Variants in C6orf89 observed in about 807,000 individuals in gnomAD.
C6orf89 encodes the protein bombesin receptor-activated protein C6orf89.
A neutral mutation model predicts 40.7 loss-of-function variants in C6orf89; 29 were observed. The ratio of observed to expected loss-of-function variants is 0.71; its 90% confidence interval spans 0.53 to 0.97. The LOEUF (loss-of-function observed/expected upper bound fraction) is 0.97, where lower values mean the gene tolerates loss of function less well. C6orf89 is among the 50% of genes least tolerant of loss of function. The probability of loss-of-function intolerance (pLI) is 0.00; values close to 1 mark genes in which losing one functional copy is unlikely to be tolerated. For synonymous variants in C6orf89, 165 were observed against 152.2 expected (o/e 1.08, Z -0.62); for missense variants, 392 against 429.1 (o/e 0.91, Z 0.76).
intron 2 of C6orf89, chr6:36,879,212 T>C (rs9470426): frequency 0.5 from 76,262 of 151,952 alleles, 19,717 homozygotes; most frequent in East Asian, 0.67. Flanking sequence ...TGCCCAGAGA[T>C]CACGTGTTGA....
At chr6:36,873,735 A>C (rs917312856) in intron 1 of C6orf89, among the ~76,000 whole-genome samples, 1 of 152,172 alleles carries the variant, frequency 6.6e-6, no homozygotes. Flanking sequence ...AAATAGAGAG[A>C]GGACTGACAG....
At chr6:36,911,019 T>A (rs1762106892) in intron 4 of C6orf89, among the ~76,000 whole-genome samples, 1 of 152,226 alleles carries the variant, frequency 6.6e-6, no homozygotes, top group African/African-American at 2.4e-5. Flanking sequence ...TGTTCGCCTC[T>A]AACTTTCAGT....
chr6:36,885,813 A>C, upstream of C6orf89: 19 of 382,744 alleles, frequency 5.0e-5, no homozygotes, highest in Non-Finnish European at 6.9e-5. Context: ...CTCTCCAGAT[A>C]TCGCGAGAGG....
At chr6:36,874,662 T>G in intron 1 of C6orf89, 2 of 1,594,996 alleles carry the variant, frequency 1.3e-6, no homozygotes, top group Non-Finnish European at 8.6e-7. Flanking sequence ...AGACCCGTGG[T>G]GAGGCCCGGG....
upstream of C6orf89, chr6:36,885,937 C>T (rs1379060945): frequency 1.1e-5 from 13 of 1,198,242 alleles, no homozygotes; most frequent in African/African-American, 1.7e-4. Flanking sequence ...GCTTCCGGGT[C>T]GCGCTCCCGG....
intron 1 of C6orf89, among the ~76,000 whole-genome samples, chr6:36,887,798 A>T (rs1775050712): frequency 6.6e-6 from 1 of 152,230 alleles, no homozygotes; most frequent in African/African-American, 2.4e-5. Context: ...GGTTCACTGC[A>T]GCCTCGAACT....
intron 1 of C6orf89, chr6:36,874,799 C>T (rs371488982): frequency 1.2e-6 from 2 of 1,612,600 alleles, no homozygotes; most frequent in Admixed American, 3.3e-5. Flanking sequence ...GAATGCTTGT[C>T]TAGTAATTGC....
chr6:36,906,839 G>A (rs1761946114), intron 4 of C6orf89, among the ~76,000 whole-genome samples: 1 of 152,220 alleles, frequency 6.6e-6, no homozygotes, highest in Admixed American at 6.5e-5. Context: ...GCACACACTA[G>A]TGAAAGTCAT....
chr6:36,926,378 C>G lies in C6orf89; in HGVS notation c.*2937C>G, dbSNP rs1035420430. On this transcript the variant is annotated 3_prime_UTR_variant, in exon 9 of 9. Coordinates refer to ENST00000480824, the MANE Select transcript of C6orf89 (RefSeq NM_001286635.2). ...TGAAACCCCATCTCTACTAAAAATA[C>G]AAAAATTACCCAGGCGTGATGGTGG... The G allele has an allele frequency of 4.6e-5, 7 of 151,852 alleles. No individual in the cohort carries two copies. Among genetic ancestry groups the G allele is most frequent in the Admixed American group, 4.6e-4 (7 of 15,240 alleles). 9.4% of individuals were successfully genotyped at this position (151,852 alleles called of 1,614,324 possible).
chr6:36,898,381 G>A (rs4711473), intron 2 of C6orf89, among the ~76,000 whole-genome samples: 37,585 of 150,876 alleles, frequency 0.25, 4,963 homozygotes, highest in East Asian at 0.32. Context: ...CCGAGTTCAA[G>A]AGATTCTCCT....
chr6:36,901,312 A>T (rs113014313), intron 3 of C6orf89, among the ~76,000 whole-genome samples: 29,457 of 64,620 alleles, frequency 0.46, 3,885 homozygotes, highest in East Asian at 0.52. Context: ...TATTATTATT[A>T]TTATTATTAT....
intron 8 of C6orf89, among the ~76,000 whole-genome samples, chr6:36,922,162 A>C (rs1161694472): frequency 6.6e-6 from 1 of 151,872 alleles, no homozygotes; most frequent in Non-Finnish European, 1.5e-5. Context: ...GAGATGATGA[A>C]ACCCCGTCTC....
chr6:36,914,979 G>A (rs957732685), intron 6 of C6orf89, among the ~76,000 whole-genome samples: 1 of 152,184 alleles, frequency 6.6e-6, no homozygotes, highest in Non-Finnish European at 1.5e-5. Flanking sequence ...GACAGAGTGA[G>A]ACTGTGTCTC....
chr6:36,923,477 C>A lies in C6orf89; in HGVS notation c.*36C>A. The A allele has an allele frequency of 6.6e-7, 1 of 1,520,962 alleles. No individual in the cohort carries two copies. The highest frequency in any genetic ancestry group is 1.1e-5 in the South Asian group (1 of 89,106). 94.2% of individuals were successfully genotyped at this position (1,520,962 alleles called of 1,614,324 possible). On this transcript the variant is annotated 3_prime_UTR_variant, in exon 9 of 9. Coordinates refer to ENST00000480824, the MANE Select transcript of C6orf89 (RefSeq NM_001286635.2). The stretch of plus-strand genomic sequence containing the variant: ...TGTGCACAGGAACAGCTTCCAGAGC[C>A]GAAAACCAGGTTGAAAGGGGAAAAA...
At chr6:36,904,678 C>G (rs1339546379) in intron 4 of C6orf89, among the ~76,000 whole-genome samples, 2 of 152,000 alleles carry the variant, frequency 1.3e-5, no homozygotes, top group Non-Finnish European at 2.9e-5. Context: ...GTCCTGGTAT[C>G]AAAAAACAAC....
At chr6:36,896,768 G>A (rs1467875188) in intron 2 of C6orf89, among the ~76,000 whole-genome samples, 1 of 151,940 alleles carries the variant, frequency 6.6e-6, no homozygotes, top group Non-Finnish European at 1.5e-5. Flanking sequence ...TGTTTTCTTC[G>A]AAGTTTTATC....
At position 36,923,496 on chromosome 6, in the gene C6orf89, G is replaced by C; in HGVS notation, c.*55G>C. 1 of 1,415,316 alleles carries C rather than the reference G, an allele frequency of 7.1e-7. No individual in the cohort carries two copies. The highest frequency in any genetic ancestry group is 1.0e-6 in the Non-Finnish European group (1 of 1,001,594). The allele number at this position is 1,415,316 out of a possible 1,614,324, so 87.7% of individuals were successfully genotyped here. A position where few individuals can be genotyped will look rare whatever the true frequency, so the allele number is the denominator to read the frequency against. On this transcript the variant is annotated 3_prime_UTR_variant, in exon 9 of 9. Coordinates refer to ENST00000480824, the MANE Select transcript of C6orf89 (RefSeq NM_001286635.2). ...CAGAGCCGAAAACCAGGTTGAAAGG[G>C]GAAAAATAAAAACAAAAACGATGAA...
intron 1 of C6orf89, among the ~76,000 whole-genome samples, chr6:36,875,462 A>C (rs1774627332): frequency 6.6e-6 from 1 of 152,280 alleles, no homozygotes; most frequent in Non-Finnish European, 1.5e-5. Flanking sequence ...AAGAGACAGG[A>C]GAAAACAGGA....
chr6:36,923,850 G>A lies in C6orf89; in HGVS notation c.*409G>A. On this transcript the variant is annotated 3_prime_UTR_variant, in exon 9 of 9. Coordinates refer to ENST00000480824, the MANE Select transcript of C6orf89 (RefSeq NM_001286635.2). ...CTAATGTCAGAGCCATCCTTTACCA[G>A]GTGGGCCTGCTTGTCCCTGTCTTGC... is the stretch of plus-strand genomic sequence containing the variant. The A allele has an allele frequency of 3.5e-6, 1 of 282,788 alleles. No individual in the cohort carries two copies. The highest frequency in any genetic ancestry group is 7.0e-6 in the Non-Finnish European group (1 of 143,618). 17.5% of individuals were successfully genotyped at this position (282,788 alleles called of 1,614,324 possible). A position where few individuals can be genotyped will look rare whatever the true frequency, so the allele number is the denominator to read the frequency against.
Sources: gnomAD v4.1 joint callset for allele counts (sites outside exome capture counted in the v4.1 genomes callset) on GRCh38, gnomAD v4.1.1 for gene constraint, MANE v1.5 for transcripts, NCBI Gene and HGNC (gene_info 2026-07-23, HGNC 2026-07-21) for gene names.